The following DAW1 variants were observed in gnomAD, a reference collection of about 807,000 sequenced individuals.
The protein encoded by DAW1 is dynein assembly factor with WD repeat domains 1.
A neutral mutation model predicts 56.5 loss-of-function variants in DAW1; 47 were observed. That is an observed-to-expected ratio of 0.83 (90% confidence interval 0.66 to 1.06). DAW1 has a LOEUF of 1.06. Ranked by LOEUF, DAW1 falls within the 50% of genes least tolerant of loss-of-function variation. The pLI is 0.00. For synonymous variants in DAW1, 190 were observed against 179.0 expected, an observed-to-expected ratio of 1.06 and a Z score of -0.49; for missense variants, 505 against 499.3, an observed-to-expected ratio of 1.01 and a Z score of -0.11.
At chr2:227,900,374 A>G (rs150944580) in intron 6 of DAW1, among the ~76,000 whole-genome samples, 2 of 152,290 alleles carry the variant, frequency 1.3e-5, no homozygotes, top group East Asian at 3.9e-4. Flanking sequence ...TCTAATAAAT[A>G]TTTATTAAAT....
intron 5 of DAW1, among the ~76,000 whole-genome samples, chr2:227,897,141 G>A (rs886243289): frequency 5.3e-5 from 8 of 150,472 alleles, no homozygotes; most frequent in Admixed American, 1.3e-4. Flanking sequence ...TCTTGAGCAC[G>A]TATTGGAAGA....
At chr2:227,920,133 A>G (rs1574675745) in intron 11 of DAW1, among the ~76,000 whole-genome samples, 1 of 152,188 alleles carries the variant, frequency 6.6e-6, no homozygotes, top group African/African-American at 2.4e-5. Context: ...TCTCCTCCAT[A>G]AGTAAACATC....
chr2:227,898,118 C>A, intron 5 of DAW1, 64 bp from the exon 6 acceptor site: 2 of 1,095,960 alleles, frequency 1.8e-6, no homozygotes, highest in East Asian at 3.0e-5. Context: ...AATATCTCAT[C>A]TTAGTTCAGT....
intron 10 of DAW1, among the ~76,000 whole-genome samples, chr2:227,910,422 T>C (rs776716863): frequency 6.6e-6 from 1 of 151,944 alleles, no homozygotes; most frequent in Non-Finnish European, 1.5e-5. Context: ...CAGCGAACTA[T>C]GATTATGCCA....
At chr2:227,876,132 C>G (rs1357402830) in intron 1 of DAW1, among the ~76,000 whole-genome samples, 1 of 152,160 alleles carries the variant, frequency 6.6e-6, no homozygotes. Context: ...TCTCCTGCCT[C>G]AGCCTCCTGA....
chr2:227,871,825 G>A (rs1690757166), intron 1 of DAW1, 96 bp downstream of exon 1: 2 of 1,538,762 alleles, frequency 1.3e-6, no homozygotes, highest in South Asian at 2.4e-5. Flanking sequence ...ACTGAAAGGC[G>A]GCGGGGTCCC....
intron 10 of DAW1, among the ~76,000 whole-genome samples, chr2:227,911,740 A>G (rs930508069): frequency 2.6e-5 from 4 of 152,130 alleles, no homozygotes; most frequent in Admixed American, 2.6e-4. Flanking sequence ...TGTCTGTGTC[A>G]TTGCCTTGAT....
Position 227,885,432 on chromosome 2 carries a change from G to A in DAW1, c.113+9G>A, listed in dbSNP as rs374987091. 6.3e-7 allele frequency: 1 copy of A among 1,591,968 alleles called. No individual in the cohort carries two copies. The highest frequency in any genetic ancestry group is 1.4e-5 in the African/African-American group (1 of 73,742). On this transcript the variant is annotated intron_variant, in intron 2 of 12. Coordinates refer to ENST00000309931, the MANE Select transcript of DAW1 (RefSeq NM_178821.3). Reference sequence around the variant, plus strand: ...CTTGATCTTGGTCCCAGGTAAGTAAGCTGTAGGATTCAACAAATAAATGTT... The same window carrying A: ...CTTGATCTTGGTCCCAGGTAAGTAAACTGTAGGATTCAACAAATAAATGTT...
In DAW1 at chr2:227,885,362, G is replaced by C. The variant is rs1403548471; in HGVS notation, c.52G>C (p.Glu18Gln). The C allele has an allele frequency of 6.3e-7, 1 of 1,596,850 alleles. No homozygotes were observed. Among genetic ancestry groups the C allele is most frequent in the East Asian group, 2.3e-5 (1 of 44,204 alleles). The change falls in exon 2 of 13, where the codon GAA becomes CAA. Residue 18 changes from glutamate to glutamine, a missense_variant. Glu to Gln is a conservative substitution (Grantham distance 29, BLOSUM62 2). Transcript: ENST00000309931. ...GTTTATTTCTATAGGAATTATGTTG[G>C]AATATGAAAAACATGGAGAATTAAA... ...LRYYPPGIML[E>Q]YEKHGELKTK...
At chr2:227,885,481 T>C in intron 2 of DAW1, 58 bp downstream of exon 2, 1 of 1,343,134 alleles carries the variant, frequency 7.4e-7, no homozygotes. Flanking sequence ...TGACACAGAG[T>C]GATGTGTGGA....
intron 10 of DAW1, among the ~76,000 whole-genome samples, chr2:227,914,315 G>T (rs1574670565): frequency 1.3e-5 from 2 of 151,920 alleles, no homozygotes; most frequent in African/African-American, 4.8e-5. Flanking sequence ...AACCGTGGCT[G>T]GTGCTATAAT....
At chr2:227,910,815 C>A (rs991481443) in intron 10 of DAW1, among the ~76,000 whole-genome samples, 10 of 152,108 alleles carry the variant, frequency 6.6e-5, no homozygotes, top group African/African-American at 1.9e-4. Context: ...ATTTATGATG[C>A]TGCAGTATGT....
At chr2:227,875,827 A>G (rs1690865311) in intron 1 of DAW1, among the ~76,000 whole-genome samples, 2 of 152,052 alleles carry the variant, frequency 1.3e-5, no homozygotes, top group South Asian at 2.1e-4. Context: ...AACTTTGTCT[A>G]TTTTGTTTGC....
chr2:227,913,917 G>GTCTGTCTA (rs1553603859), intron 10 of DAW1, among the ~76,000 whole-genome samples: 9 of 117,974 alleles, frequency 7.6e-5, no homozygotes, highest in African/African-American at 1.7e-4. Flanking sequence ...CTGTCTGTCT[G>GTCTGTCTA]TCTATCTATC....
intron 1 of DAW1, among the ~76,000 whole-genome samples, chr2:227,878,653 G>A (rs947402359): frequency 5.9e-5 from 9 of 152,160 alleles, no homozygotes; most frequent in African/African-American, 2.2e-4. Context: ...GTTCCTAGGA[G>A]TTCGAGACTA....
At chr2:227,888,458 G>A (rs1003647868) in intron 2 of DAW1, among the ~76,000 whole-genome samples, 2 of 152,212 alleles carry the variant, frequency 1.3e-5, no homozygotes, top group Admixed American at 1.3e-4. Context: ...CAGAATCTCT[G>A]CCAATCTGGA....
chr2:227,898,142 T>A (rs371036994), intron 5 of DAW1, 40 bp from the exon 6 acceptor site: 3 of 1,381,330 alleles, frequency 2.2e-6, no homozygotes, highest in African/African-American at 1.4e-5. Context: ...TTATATAATG[T>A]GTCTTTTTTT....
chr2:227,886,943 G>T (rs944775318), intron 2 of DAW1, among the ~76,000 whole-genome samples: 1 of 152,228 alleles, frequency 6.6e-6, no homozygotes, highest in Non-Finnish European at 1.5e-5. Context: ...TAGGTTTGTG[G>T]CCTGAGACCG....
chr2:227,918,708 C>T (rs1443920447), intron 10 of DAW1, 72 bp from the exon 11 acceptor site: 10 of 1,516,910 alleles, frequency 6.6e-6, no homozygotes, highest in African/African-American at 2.8e-5. Flanking sequence ...TATATTTATA[C>T]AATGCAAAGT....
Sources: gnomAD v4.1 joint callset for allele counts (sites outside exome capture counted in the v4.1 genomes callset) on GRCh38, gnomAD v4.1.1 for gene constraint, MANE v1.5 for transcripts, NCBI Gene and HGNC (gene_info 2026-07-23, HGNC 2026-07-21) for gene names.